Variants in SLC12A1 observed in about 807,000 individuals in gnomAD.
The protein encoded by SLC12A1 is solute carrier family 12 member 1.
In SLC12A1, 89 loss-of-function variants were observed where a neutral mutation model predicts 130.4. The observed-to-expected ratio is 0.68, with a 90% CI of 0.58 to 0.81. The LOEUF (loss-of-function observed/expected upper bound fraction) is 0.81. SLC12A1 is among the 40% of genes least tolerant of loss of function. The probability of loss-of-function intolerance (pLI) is 0.00; values close to 1 mark genes in which losing one functional copy is unlikely to be tolerated. For missense variants in SLC12A1, 1,310 were observed against 1,336.4 expected (o/e 0.98, Z 0.31); for synonymous variants, 499 against 460.0 (o/e 1.08, Z -1.09).
intron 2 of SLC12A1, among the ~76,000 whole-genome samples, chr15:48,213,962 A>T (rs1283750460): frequency 6.6e-6 from 1 of 152,234 alleles, no homozygotes; most frequent in East Asian, 1.9e-4. Context: ...AAGGACAAAA[A>T]TGTACGAATG....
chr15:48,274,048 T>C (rs973738564), intron 19 of SLC12A1, among the ~76,000 whole-genome samples: 3 of 152,198 alleles, frequency 2.0e-5, no homozygotes, highest in Non-Finnish European at 4.4e-5. Context: ...TATGTAGAGT[T>C]GCCATGAAAA....
At chr15:48,260,763 G>A (rs147876379) in intron 17 of SLC12A1, among the ~76,000 whole-genome samples, 7 of 152,294 alleles carry the variant, frequency 4.6e-5, no homozygotes, top group South Asian at 4.1e-4. Flanking sequence ...CTGTCAGGAA[G>A]TCAGGTGACT....
intron 6 of SLC12A1, 30 bp from the exon 7 acceptor site, chr15:48,230,363 C>T: frequency 7.1e-7 from 1 of 1,402,698 alleles, no homozygotes; most frequent in Non-Finnish European, 1.0e-6. Context: ...AAAGCTGTAT[C>T]TCTAAGCACT....
At chr15:48,220,549 A>C (rs2041198597) in intron 2 of SLC12A1, 85 bp from the exon 3 acceptor site, 1 of 1,303,404 alleles carries the variant, frequency 7.7e-7, no homozygotes, top group East Asian at 2.5e-5. Flanking sequence ...GTTTTATTTC[A>C]ATTGTTTTGA....
intron 10 of SLC12A1, 125 bp downstream of exon 10, chr15:48,241,724 C>T (rs2041518589): frequency 2.8e-6 from 2 of 707,000 alleles, no homozygotes; most frequent in East Asian, 2.6e-5. Context: ...TAATTCCGTT[C>T]TTGGTACCTT....
At chr15:48,226,977 G>C (rs1787971691) in intron 5 of SLC12A1, 1 of 739,146 alleles carries the variant, frequency 1.4e-6, no homozygotes, top group Admixed American at 2.4e-5. Context: ...TTTTCACAGG[G>C]AGGTGGATCT....
chr15:48,221,559 T>C (rs1431935322), intron 4 of SLC12A1: 4 of 476,368 alleles, frequency 8.4e-6, no homozygotes, highest in African/African-American at 5.9e-5. Context: ...TAAGATAATA[T>C]GTGCATTACT....
intron 4 of SLC12A1, chr15:48,225,901 T>C: frequency 5.1e-6 from 5 of 985,568 alleles, no homozygotes; most frequent in Non-Finnish European, 6.0e-6. Context: ...CTGGTATCAC[T>C]GGTTTATCCA....
At chr15:48,278,160 C>G (rs2041974011) in intron 20 of SLC12A1, among the ~76,000 whole-genome samples, 1 of 152,214 alleles carries the variant, frequency 6.6e-6, no homozygotes, top group Admixed American at 6.5e-5. Flanking sequence ...TGAGCACTTA[C>G]GTGAACCCGG....
At chr15:48,215,908 T>C (rs964634741) in intron 2 of SLC12A1, among the ~76,000 whole-genome samples, 6 of 152,212 alleles carry the variant, frequency 3.9e-5, no homozygotes, top group African/African-American at 1.4e-4. Flanking sequence ...CTGAATGAAT[T>C]GCACAACCAA....
Position 48,288,164 on chromosome 15 carries a change from T to G in SLC12A1, c.2751T>G (p.Phe917Leu). The change falls in exon 22 of 27, where the codon TTT becomes TTG. Residue 917 changes from phenylalanine to leucine, a missense_variant. Physicochemically the swap from Phe to Leu is conservative, Grantham distance 22. Transcript: ENST00000380993. The stretch of plus-strand genomic sequence containing the variant: ...GCACAATTGATGTTTGGTGGTTGTT[T>G]GATGATGGAGGTAAAAACTTTCAGA... ...EKGTIDVWWL[F>L]DDGGLTLLIP... 2 of 1,609,124 alleles carry G rather than the reference T, an allele frequency of 1.2e-6. No individual in the cohort carries two copies. The highest frequency in any genetic ancestry group is 1.7e-6 in the Non-Finnish European group (2 of 1,177,668).
intron 9 of SLC12A1, among the ~76,000 whole-genome samples, chr15:48,239,280 G>A (rs554194575): frequency 9.9e-5 from 15 of 152,192 alleles, no homozygotes; most frequent in African/African-American, 3.6e-4. Context: ...GGGAGGCCCA[G>A]GTGGGTGATT....
chr15:48,208,219 A>G (rs2041005793), intron 2 of SLC12A1, 80 bp downstream of exon 2: 1 of 1,369,760 alleles, frequency 7.3e-7, no homozygotes, highest in Admixed American at 2.3e-5. Flanking sequence ...TACACTATGA[A>G]TGAATGTGAA....
chr15:48,243,883 T>C (rs1045563352), intron 10 of SLC12A1, among the ~76,000 whole-genome samples: 4 of 152,218 alleles, frequency 2.6e-5, no homozygotes, highest in Non-Finnish European at 5.9e-5. Flanking sequence ...ATCCTTCATG[T>C]AGTTCAGAAA....
intron 20 of SLC12A1, among the ~76,000 whole-genome samples, chr15:48,278,743 C>A (rs2041981612): frequency 6.6e-6 from 1 of 152,146 alleles, no homozygotes; most frequent in African/African-American, 2.4e-5. Context: ...CAAAATATAA[C>A]TTGTATTTAG....
chr15:48,216,023 C>T (rs939478944), intron 2 of SLC12A1, among the ~76,000 whole-genome samples: 2 of 152,056 alleles, frequency 1.3e-5, no homozygotes, highest in African/African-American at 4.8e-5. Context: ...TACTGTCAGA[C>T]CTTAATAGTC....
chr15:48,211,675 G>A (rs879838311), intron 2 of SLC12A1, among the ~76,000 whole-genome samples: 9 of 152,164 alleles, frequency 5.9e-5, no homozygotes, highest in East Asian at 1.9e-4. Flanking sequence ...CATTCATACC[G>A]AATGGCAGAA....
At chr15:48,269,031 T>C (rs1369634192) in intron 18 of SLC12A1, among the ~76,000 whole-genome samples, 1 of 152,198 alleles carries the variant, frequency 6.6e-6, no homozygotes, top group South Asian at 2.1e-4. Context: ...GGACAAGACA[T>C]AGCACTATGC....
chr15:48,220,548 C>A, intron 2 of SLC12A1, 86 bp from the exon 3 acceptor site: 3 of 1,289,448 alleles, frequency 2.3e-6, no homozygotes, highest in South Asian at 1.8e-5. Context: ...AGTTTTATTT[C>A]AATTGTTTTG....
Sources: allele counts gnomAD v4.1 joint callset (sites outside exome capture counted in the v4.1 genomes callset), GRCh38; gene constraint gnomAD v4.1.1; transcripts MANE v1.5; gene names NCBI Gene and HGNC (gene_info 2026-07-23, HGNC 2026-07-21).